Variants in ZDHHC14 observed in about 807,000 individuals in gnomAD.
ZDHHC14 encodes zDHHC palmitoyltransferase 14.
In ZDHHC14, 16 loss-of-function variants were observed where a neutral mutation model predicts 47.7. The observed-to-expected ratio is 0.34, with a 90% CI of 0.23 to 0.51. ZDHHC14 has a LOEUF of 0.51. Among genes scored for constraint, ZDHHC14 ranks in the 20% least tolerant of loss-of-function variants. The pLI is 0.97. For synonymous variants in ZDHHC14, 293 were observed against 278.9 expected (o/e 1.05, Z -0.50); for missense variants, 515 against 662.5 (o/e 0.78, Z 2.44).
At position 157,536,880 on chromosome 6, in the gene ZDHHC14, G is replaced by A. The variant is rs1263077537; in HGVS notation, c.246-5705G>A. On this transcript the variant is annotated intron_variant, in intron 1 of 8. Transcript: ENST00000359775. ...GTCGCCCAGGCTGGAGTGCAGTGGC[G>A]GGATCTCGGCTCACTGCAAGCTCCG... 1.0e-4 allele frequency among the ~76,000 whole-genome samples: 11 copies of A among 104,856 alleles called. 4 individuals carry two copies. The highest frequency in any genetic ancestry group is 3.1e-4 in the South Asian group (1 of 3,186). 68.8% of individuals were successfully genotyped at this position (104,856 alleles called of 152,430 possible).
At position 157,405,284 on chromosome 6, in the gene ZDHHC14, A is replaced by G. The variant is rs567731770; in HGVS notation, c.245+23018A>G. On this transcript the variant is annotated intron_variant, in intron 1 of 8. Coordinates refer to ENST00000359775, the MANE Select transcript of ZDHHC14 (RefSeq NM_024630.3). ...GTCTCGCTGTCTCGCCCAGGCTGGA[A>G]TGCAGTGGCGCGATCTCGGTTCACT... is the stretch of plus-strand genomic sequence containing the variant. Among the ~76,000 whole-genome samples the G allele has an allele frequency of 9.3e-4, 142 of 152,202 alleles. No individual in the cohort carries two copies. In the Middle Eastern group the frequency reaches 0.014, roughly 15 times the overall value.
At position 157,674,704 on chromosome 6, in the gene ZDHHC14, T is replaced by C. The variant is rs1279474450; in HGVS notation, c.*1582T>C. 6.6e-6 allele frequency: 1 copy of C among 152,198 alleles called. No homozygotes were observed. Among genetic ancestry groups the C allele is most frequent in the Non-Finnish European group, 1.5e-5 (1 of 68,046 alleles). 9.4% of individuals were successfully genotyped at this position (152,198 alleles called of 1,614,324 possible). A position where few individuals can be genotyped will look rare whatever the true frequency, so the allele number is the denominator to read the frequency against. ...CTCCTGAGAAAGAGTTGCCATTTTA[T>C]ATAAAAGAAAAGAAGATAGGAAAAA... On this transcript the variant is annotated 3_prime_UTR_variant, in exon 9 of 9. Transcript: ENST00000359775.
intron 1 of ZDHHC14, among the ~76,000 whole-genome samples, chr6:157,448,854 G>T (rs2114800369): frequency 6.6e-6 from 1 of 152,354 alleles, no homozygotes; most frequent in South Asian, 2.1e-4. Flanking sequence ...GGGATTATAG[G>T]CGTGAGCCAC....
intron 8 of ZDHHC14, among the ~76,000 whole-genome samples, chr6:157,671,073 G>C (rs1308087247): frequency 6.6e-6 from 1 of 152,176 alleles, no homozygotes; most frequent in Non-Finnish European, 1.5e-5. Context: ...TATGAGCAAT[G>C]GCAGCTCTGT....
intron 8 of ZDHHC14, among the ~76,000 whole-genome samples, chr6:157,670,483 G>A (rs1778747307): frequency 6.6e-6 from 1 of 152,056 alleles, no homozygotes; most frequent in African/African-American, 2.4e-5. Flanking sequence ...TTGTAGAGAT[G>A]AGGTTTTGCC....
rs1778256542 is a variant in ZDHHC14 at position 157,427,940 on chromosome 6, A to G, written c.245+45674A>G. Among the ~76,000 whole-genome samples, 1 of 152,018 alleles carries G rather than the reference A, an allele frequency of 6.6e-6. No individual in the cohort carries two copies. Among genetic ancestry groups the G allele is most frequent in the South Asian group, 2.1e-4 (1 of 4,808 alleles). ...AAACTTTTATTGTGATTAGAGGAAT[A>G]TTGGGCTCCTGGAGGGCTGTTCTGT... On this transcript the variant is annotated intron_variant, in intron 1 of 8. Transcript: ENST00000359775. The surrounding 1 kb of genome is among the most constrained non-coding windows in gnomAD (Gnocchi z 4.4).
At chr6:157,579,880 A>G (rs1262100614) in intron 2 of ZDHHC14, among the ~76,000 whole-genome samples, 2 of 152,030 alleles carry the variant, frequency 1.3e-5, no homozygotes, top group Non-Finnish European at 2.9e-5. Context: ...AATGCCTTTT[A>G]TTTCTTCCTC....
intron 1 of ZDHHC14, among the ~76,000 whole-genome samples, chr6:157,466,503 G>A (rs149738841): frequency 4.9e-4 from 74 of 152,290 alleles, no homozygotes; most frequent in African/African-American, 1.6e-3. Flanking sequence ...TGAATTAGTT[G>A]TAAAAACCAA....
chr6:157,456,997 T>TAATTAATAAATAAATAAATA (rs1778933835), intron 1 of ZDHHC14, among the ~76,000 whole-genome samples: 1 of 146,888 alleles, frequency 6.8e-6, no homozygotes, highest in Non-Finnish European at 1.5e-5. Context: ...AAAAATACAA[T>TAATTAATAAATAAATAAATA]AATAAATAAA....
At chr6:157,580,023 T>C (rs4560670) in intron 2 of ZDHHC14, among the ~76,000 whole-genome samples, 44,706 of 152,138 alleles carry the variant, frequency 0.29, 8,563 homozygotes, top group African/African-American at 0.55. Flanking sequence ...AGCTGTGGGT[T>C]TGTCATAGAT....
At position 157,383,929 on chromosome 6, in the gene ZDHHC14, G is replaced by A. The variant is rs535364079; in HGVS notation, c.245+1663G>A. Among the ~76,000 whole-genome samples the A allele has an allele frequency of 4.6e-5, 7 of 152,268 alleles. No homozygotes were observed. The East Asian group carries it at 1.4e-3, about 29-fold the overall frequency. On this transcript the variant is annotated intron_variant, in intron 1 of 8. Transcript: ENST00000359775. ...ACAGACCTTGGAAACTGGAAGAAGG[G>A]GCATAGAGGTTCCCCATGAGTTTAC...
intron 4 of ZDHHC14, chr6:157,631,848 T>G (rs1785754796): frequency 6.6e-6 from 1 of 152,278 alleles, no homozygotes; most frequent in Non-Finnish European, 1.5e-5. Flanking sequence ...GGAGAAAGCC[T>G]TAAGCACCAT....
chr6:157,492,267 C>G (rs11970263), intron 1 of ZDHHC14, among the ~76,000 whole-genome samples: 52,516 of 148,494 alleles, frequency 0.35, 10,897 homozygotes, highest in African/African-American at 0.57. Context: ...AAGAACCCCA[C>G]TGACCTCCTC....
In ZDHHC14 at chr6:157,673,060, G is replaced by A; in HGVS notation, c.1405G>A (p.Ala469Thr). Reference sequence around the variant, plus strand: ...CCGCACCATGCACGTGCTGGGCCTGGCCAGCCAGGACTCCCTGCATGAGGA... The same window carrying A: ...CCGCACCATGCACGTGCTGGGCCTGACCAGCCAGGACTCCCTGCATGAGGA... Reference protein sequence around the residue: ...HSRTMHVLGLASQDSLHEDSV... With the variant: ...HSRTMHVLGLTSQDSLHEDSV... The change falls in exon 9 of 9, where the codon GCC becomes ACC. Residue 469 changes from alanine to threonine, a missense_variant. This residue lies in a region of ZDHHC14 where 221 missense variants were observed against 233.6 expected (regional missense o/e 0.95). Transcript: ENST00000359775. The surrounding 1 kb of genome is among the most constrained non-coding windows in gnomAD (Gnocchi z 5.4). 1 of 1,568,800 alleles carries A rather than the reference G, an allele frequency of 6.4e-7. No individual in the cohort carries two copies. The highest frequency in any genetic ancestry group is 8.6e-7 in the Non-Finnish European group (1 of 1,165,060).
At chr6:157,645,623 G>A in intron 5 of ZDHHC14, 114 bp from the exon 6 acceptor site, 1 of 751,762 alleles carries the variant, frequency 1.3e-6, no homozygotes, top group Non-Finnish European at 2.2e-6. Flanking sequence ...GGGTGAGAGA[G>A]AGGCCAGCAA....
At chr6:157,386,177 CT>C (rs760320126) in intron 1 of ZDHHC14, among the ~76,000 whole-genome samples, 2 of 152,084 alleles carry the variant, frequency 1.3e-5, no homozygotes, top group East Asian at 3.9e-4. Flanking sequence ...GCAACTGTGA[CT>C]GTGAAAAAGC....
chr6:157,401,622 C>A (rs775080086), intron 1 of ZDHHC14, among the ~76,000 whole-genome samples: 2 of 146,752 alleles, frequency 1.4e-5, no homozygotes, highest in Non-Finnish European at 3.0e-5. Context: ...GAGATGTGCT[C>A]CTGCTGAGGT....
chr6:157,382,417 G>A, intron 1 of ZDHHC14, 151 bp downstream of exon 1: 5 of 1,016,952 alleles, frequency 4.9e-6, no homozygotes, highest in Non-Finnish European at 6.9e-6. Flanking sequence ...TTCTTTTAAA[G>A]GTCTGATTGC....
At chr6:157,510,858 T>C (rs1562454335) in intron 1 of ZDHHC14, among the ~76,000 whole-genome samples, 1 of 152,342 alleles carries the variant, frequency 6.6e-6, no homozygotes, top group East Asian at 1.9e-4. Context: ...GCCTCTGCCT[T>C]CCTCAGACAC....
Sources: allele counts gnomAD v4.1 joint callset (sites outside exome capture counted in the v4.1 genomes callset), GRCh38; gene constraint gnomAD v4.1.1; regional missense constraint gnomAD v4.1.1; non-coding constraint Gnocchi (gnomAD v3.1); transcripts MANE v1.5; gene names NCBI Gene and HGNC (gene_info 2026-07-23, HGNC 2026-07-21).